CCDC178: variants seen among roughly 807,000 people sequenced by gnomAD.
The protein encoded by CCDC178 is coiled-coil domain containing 178, also known as coiled-coil domain-containing protein 178.
In CCDC178, 126 loss-of-function variants were observed where a neutral mutation model predicts 117.4. The observed-to-expected ratio is 1.07, with a 90% CI of 0.93 to 1.24. CCDC178 has a LOEUF of 1.24. Ranked by LOEUF, CCDC178 falls within the 50% of genes most tolerant of loss-of-function variation. CCDC178 has a pLI of 0.00. For missense variants in CCDC178, 1,030 were observed against 986.9 expected, an observed-to-expected ratio of 1.04 and a Z score of -0.59; for synonymous variants, 283 against 313.4, an observed-to-expected ratio of 0.90 and a Z score of 1.02.
At chr18:33,148,430 G>T (rs1193009895) in intron 20 of CCDC178, among the ~76,000 whole-genome samples, 3 of 151,552 alleles carry the variant, frequency 2.0e-5, no homozygotes, top group Admixed American at 6.6e-5. Flanking sequence ...GAGGGAGAGG[G>T]AGAGGGAGAC....
intron 10 of CCDC178, among the ~76,000 whole-genome samples, chr18:33,331,025 G>GGTTTTTTTT (rs1315738648): frequency 1.8e-5 from 1 of 55,168 alleles, no homozygotes; most frequent in Admixed American, 2.1e-4. Context: ...CACAAACATT[G>GGTTTTTTTT]CTTTTTTTTT....
chr18:33,025,870 A>C (rs940549440), intron 21 of CCDC178, among the ~76,000 whole-genome samples: 4 of 152,172 alleles, frequency 2.6e-5, no homozygotes, highest in African/African-American at 7.2e-5. Context: ...TTGTACTCTC[A>C]GGCATTCGTC....
At chr18:33,299,856 C>CT (rs2062154291) in intron 11 of CCDC178, among the ~76,000 whole-genome samples, 1 of 151,390 alleles carries the variant, frequency 6.6e-6, no homozygotes, top group Admixed American at 6.6e-5. Flanking sequence ...TGCTTGATAT[C>CT]ACTAATCATT....
intron 21 of CCDC178, among the ~76,000 whole-genome samples, chr18:33,077,529 C>A (rs1244591343): frequency 1.3e-5 from 2 of 151,940 alleles, no homozygotes; most frequent in African/African-American, 4.8e-5. Flanking sequence ...AGATAGGCCA[C>A]TAGCTGGACT....
intron 20 of CCDC178, among the ~76,000 whole-genome samples, chr18:33,184,256 T>C (rs533472830): frequency 6.6e-6 from 1 of 152,130 alleles, no homozygotes; most frequent in Admixed American, 6.6e-5. Context: ...GATATTTGTT[T>C]GAAAAAAATA....
At chr18:33,204,502 G>A (rs2059026920) in intron 20 of CCDC178, among the ~76,000 whole-genome samples, 1 of 152,062 alleles carries the variant, frequency 6.6e-6, no homozygotes, top group Admixed American at 6.5e-5. Context: ...AAGTGCTCAT[G>A]TTTACATGTT....
intron 21 of CCDC178, among the ~76,000 whole-genome samples, chr18:32,995,708 C>A (rs911385731): frequency 6.6e-6 from 1 of 151,964 alleles, no homozygotes; most frequent in Admixed American, 6.6e-5. Context: ...ATTAGACTTG[C>A]GCCATTCTAC....
chr18:33,180,773 T>C (rs190405460), intron 20 of CCDC178, among the ~76,000 whole-genome samples: 75 of 152,188 alleles, frequency 4.9e-4, no homozygotes, highest in Admixed American at 1.8e-3. Context: ...CAAATTTCCT[T>C]TAGCTATACA....
chr18:33,157,774 T>C (rs1367854968), intron 20 of CCDC178, among the ~76,000 whole-genome samples: 1 of 152,128 alleles, frequency 6.6e-6, no homozygotes, highest in Admixed American at 6.5e-5. Flanking sequence ...TTCTATACCT[T>C]TCAGATTGAT....
chr18:33,256,226 G>A (rs2059678246), intron 14 of CCDC178, among the ~76,000 whole-genome samples: 1 of 152,028 alleles, frequency 6.6e-6, no homozygotes, highest in African/African-American at 2.4e-5. Flanking sequence ...CAAATAGGAT[G>A]AAAGCAAACC....
intron 21 of CCDC178, among the ~76,000 whole-genome samples, chr18:32,977,461 C>T (rs1379417204): frequency 3.3e-5 from 5 of 152,050 alleles, no homozygotes; most frequent in African/African-American, 1.2e-4. Context: ...AAAACCTTAC[C>T]ACATAGCATA....
At chr18:33,188,353 G>C (rs1354878934) in intron 20 of CCDC178, among the ~76,000 whole-genome samples, 4 of 152,090 alleles carry the variant, frequency 2.6e-5, no homozygotes, top group Non-Finnish European at 5.9e-5. Context: ...GCACTACTGA[G>C]AAAAGACTTA....
At chr18:33,180,945 T>C (rs535085360) in intron 20 of CCDC178, among the ~76,000 whole-genome samples, 1 of 152,174 alleles carries the variant, frequency 6.6e-6, no homozygotes, top group Admixed American at 6.6e-5. Flanking sequence ...CATTCAATGT[T>C]ATTTTGGCTT....
chr18:32,945,396 T>C (rs1236047587), intron 22 of CCDC178, among the ~76,000 whole-genome samples: 1 of 152,222 alleles, frequency 6.6e-6, no homozygotes, highest in African/African-American at 2.4e-5. Context: ...TACATGAAGT[T>C]TGACTAGGAA....
At chr18:33,241,321 A>T (rs1001222010) in intron 15 of CCDC178, among the ~76,000 whole-genome samples, 1 of 151,838 alleles carries the variant, frequency 6.6e-6, no homozygotes, top group Non-Finnish European at 1.5e-5. Flanking sequence ...ATCTCATTCA[A>T]TATACCACTA....
chr18:33,302,653 A>ATACACGAC (rs2062191726), intron 11 of CCDC178, among the ~76,000 whole-genome samples: 1 of 152,214 alleles, frequency 6.6e-6, no homozygotes, highest in Non-Finnish European at 1.5e-5. Context: ...TGTGATATGT[A>ATACACGAC]TACACGACGT....
intron 20 of CCDC178, among the ~76,000 whole-genome samples, chr18:33,099,843 C>A (rs2057598223): frequency 2.0e-5 from 3 of 151,972 alleles, no homozygotes; most frequent in African/African-American, 7.2e-5. Context: ...GTCTGTGCTG[C>A]CATGGAAACC....
chr18:33,252,283 C>T (rs1377183949), intron 14 of CCDC178, among the ~76,000 whole-genome samples: 1 of 151,540 alleles, frequency 6.6e-6, no homozygotes, highest in Non-Finnish European at 1.5e-5. Context: ...CTGTATCACC[C>T]AAATTCATAT....
chr18:33,330,632 GGA>G (rs2062654914), intron 10 of CCDC178, among the ~76,000 whole-genome samples: 1 of 152,042 alleles, frequency 6.6e-6, no homozygotes. Flanking sequence ...GGAAGATGGG[GGA>G]GAGAGAGAGA....
Sources: gnomAD v4.1 joint callset for allele counts (sites outside exome capture counted in the v4.1 genomes callset) on GRCh38, gnomAD v4.1.1 for gene constraint, MANE v1.5 for transcripts, NCBI Gene and HGNC (gene_info 2026-07-23, HGNC 2026-07-21) for gene names.